Variants in F2 observed in about 807,000 individuals in gnomAD.
The protein encoded by F2 is prothrombin.
Under a neutral mutation model 81.9 loss-of-function variants are expected in F2, and 34 were observed. The ratio of observed to expected loss-of-function variants is 0.42; its 90% CI spans 0.32 to 0.55. F2 has a LOEUF of 0.55. F2 is among the 20% of genes least tolerant of loss of function. The pLI is 0.18. For missense variants in F2, 630 were observed against 833.4 expected (o/e 0.76, Z 3.00); for synonymous variants, 296 against 326.4 (o/e 0.91, Z 1.01).
intron 12 of F2, among the ~76,000 whole-genome samples, chr11:46,737,681 G>A (rs999697235): frequency 1.3e-5 from 2 of 151,652 alleles, no homozygotes; most frequent in African/African-American, 2.4e-5. Flanking sequence ...CTTGTGATCC[G>A]CCTGCCTCAG....
chr11:46,739,207 G>A, intron 13 of F2, 58 bp from the exon 14 acceptor site: 6 of 1,613,652 alleles, frequency 3.7e-6, no homozygotes, highest in Non-Finnish European at 5.1e-6. Flanking sequence ...GCCTGGCAGG[G>A]GAATACTGAT....
chr11:46,735,644 T>A (rs1592419834), intron 12 of F2, among the ~76,000 whole-genome samples: 1 of 142,250 alleles, frequency 7.0e-6, no homozygotes, highest in African/African-American at 2.6e-5. Context: ...AAAAATCGGC[T>A]GGGCGCGGTG....
At chr11:46,720,319 G>GGT (rs1198455900) in intron 2 of F2, 3 of 635,466 alleles carry the variant, frequency 4.7e-6, no homozygotes, top group East Asian at 2.8e-5. Flanking sequence ...TTTCAGTCTC[G>GGT]GTGTGTGTGT....
At chr11:46,738,426 C>T (rs1047233719) in intron 12 of F2, among the ~76,000 whole-genome samples, 1 of 151,986 alleles carries the variant, frequency 6.6e-6, no homozygotes, top group African/African-American at 2.4e-5. Context: ...GTAGGTCTAA[C>T]TTTTTAATTT....
intron 12 of F2, among the ~76,000 whole-genome samples, chr11:46,731,903 C>T (rs1004672585): frequency 6.9e-6 from 1 of 144,660 alleles, no homozygotes; most frequent in Non-Finnish European, 1.5e-5. Flanking sequence ...GGTAAAGAGA[C>T]ACTTTGATGT....
chr11:46,728,835 C>T lies in F2; in HGVS notation c.1470C>T (p.Ala490=). The T allele has an allele frequency of 6.2e-7, 1 of 1,613,710 alleles. No individual in the cohort carries two copies. Among genetic ancestry groups the T allele is most frequent in the African/African-American group, 1.3e-5 (1 of 75,070 alleles). ...PVCLPDRETA[A]SLLQAGYKGR... is the part of the protein sequence containing the mutation. ...GTCTGCCCGACAGGGAGACGGCAGC[C>T]AGGTGGGCCACCAGATGCTTGTTAG... is the stretch of plus-strand genomic sequence containing the variant. Residue 490 remains alanine, a splice_region_variant and synonymous_variant, in exon 11 of 14, where the codon GCC becomes GCT. Coordinates refer to ENST00000311907, the MANE Select transcript of F2 (RefSeq NM_000506.5). The surrounding 1 kb of genome is among the most constrained non-coding windows in gnomAD (Gnocchi z 5.1).
chr11:46,728,265 A>ACC lies in F2; in HGVS notation c.1298+107_1298+108dup. On this transcript the variant is annotated intron_variant, in intron 10 of 13. Coordinates refer to ENST00000311907, the MANE Select transcript of F2 (RefSeq NM_000506.5). This position sits in a 1 kb window ranked among gnomAD's most constrained non-coding sequence, Gnocchi z 5.1. ...CCGGGACACATAGGATGTTCTGTAT[A>ACC]CCCCCCAGAATATAACATCCCAGCA... is the stretch of plus-strand genomic sequence containing the variant. 1 of 1,251,248 alleles carries ACC rather than the reference A, an allele frequency of 8.0e-7. No individual in the cohort carries two copies. Among genetic ancestry groups the ACC allele is most frequent in the Non-Finnish European group, 1.1e-6 (1 of 879,240 alleles). 77.5% of individuals were successfully genotyped at this position (1,251,248 alleles called of 1,614,324 possible).
At position 46,720,938 on chromosome 11, in the gene F2, C is replaced by T. The variant is rs118096359; in HGVS notation, c.316+98C>T. The T allele has an allele frequency of 1.1e-3, 1,468 of 1,278,518 alleles. 9 individuals carry two copies. In the East Asian group the frequency reaches 0.02, roughly 18 times the overall value. 79.2% of individuals were successfully genotyped at this position (1,278,518 alleles called of 1,614,324 possible). A position where few individuals can be genotyped will look rare whatever the true frequency, so the allele number is the denominator to read the frequency against. On this transcript the variant is annotated intron_variant, in intron 4 of 13. Coordinates refer to ENST00000311907, the MANE Select transcript of F2 (RefSeq NM_000506.5). Reference sequence around the variant, plus strand: ...GGAGTGTGGCTGGTGGAGGCCGAGGCAGTCCCCAGCATCTGACATTGCTCC... The same window carrying T: ...GGAGTGTGGCTGGTGGAGGCCGAGGTAGTCCCCAGCATCTGACATTGCTCC...
intron 4 of F2, among the ~76,000 whole-genome samples, chr11:46,721,607 C>T (rs186871913): frequency 1.3e-5 from 2 of 152,364 alleles, no homozygotes; most frequent in African/African-American, 4.8e-5. Flanking sequence ...AGGACTGCTT[C>T]AAATGTCACC....
chr11:46,728,693 T>C lies in F2; in HGVS notation c.1328T>C (p.Met443Thr), dbSNP rs772993386. 8 of 1,614,138 alleles carry C rather than the reference T, an allele frequency of 5.0e-6. No homozygotes were observed. Among genetic ancestry groups the C allele is most frequent in the Non-Finnish European group, 5.9e-6 (7 of 1,180,016 alleles). Residue 443 changes from methionine (M) to threonine (T), a missense_variant, in exon 11 of 14, where the codon ATG becomes ACG. Coordinates refer to ENST00000311907, the MANE Select transcript of F2 (RefSeq NM_000506.5). The surrounding 1 kb of genome is among the most constrained non-coding windows in gnomAD (Gnocchi z 5.1). The part of the protein sequence containing the change: ...RYERNIEKIS[M>T]LEKIYIHPRY... ...GAGCGAAACATTGAAAAGATATCCA[T>C]GTTGGAAAAGATCTACATCCACCCC... is the stretch of plus-strand genomic sequence containing the variant.
Position 46,726,609 on chromosome 11 carries a change from T to A in F2, c.986T>A (p.Phe329Tyr). 1.9e-6 allele frequency: 3 copies of A among 1,614,086 alleles called. No homozygotes were observed. Among genetic ancestry groups the A allele is most frequent in the Non-Finnish European group, 2.5e-6 (3 of 1,179,992 alleles). The change falls in exon 8 of 14, where the codon TTT (phenylalanine) becomes TAT (tyrosine). Residue 329 changes from phenylalanine (F) to tyrosine (Y), a missense_variant. Phe to Tyr is a conservative substitution (Grantham distance 22, BLOSUM62 3). Transcript: ENST00000311907. The surrounding 1 kb of genome is among the most constrained non-coding windows in gnomAD (Gnocchi z 5.9). Reference sequence around the variant, plus strand: ...CAGACTTTCTTCAATCCGAGGACCTTTGGCTCGGGAGAGGCAGGTGAGGTA... The same window carrying A: ...CAGACTTTCTTCAATCCGAGGACCTATGGCTCGGGAGAGGCAGGTGAGGTA... The part of the protein sequence containing the change: ...EYQTFFNPRT[F>Y]GSGEADCGLR...
In F2 at chr11:46,719,938, C is replaced by G; in HGVS notation, c.240+76C>G. The G allele has an allele frequency of 6.6e-7, 1 of 1,518,088 alleles. No homozygotes were observed. The highest frequency in any genetic ancestry group is 8.9e-7 in the Non-Finnish European group (1 of 1,129,312). The allele number at this position is 1,518,088 out of a possible 1,614,324, so 94.0% of individuals were successfully genotyped here. A position where few individuals can be genotyped will look rare whatever the true frequency, so the allele number is the denominator to read the frequency against. ...CTAGACACTTCCACAGAGAAGCAAGCGAGGAACGCCACAGCCCCTTCGCTG... is the reference window on the plus strand; with the variant it reads ...CTAGACACTTCCACAGAGAAGCAAGGGAGGAACGCCACAGCCCCTTCGCTG... On this transcript the variant is annotated intron_variant, in intron 2 of 13. Coordinates refer to ENST00000311907, the MANE Select transcript of F2 (RefSeq NM_000506.5). This position sits in a 1 kb window ranked among gnomAD's most constrained non-coding sequence, Gnocchi z 4.7.
chr11:46,719,235 T>C lies in F2; in HGVS notation c.-1T>C, dbSNP rs1450420828. The C allele has an allele frequency of 3.1e-6, 5 of 1,613,730 alleles. No individual in the cohort carries two copies. Reference sequence around the variant, plus strand: ...CTCAGTGACCCAGGAGCTGACACACTATGGCGCACGTCCGAGGCTTGCAGC... The same window carrying C: ...CTCAGTGACCCAGGAGCTGACACACCATGGCGCACGTCCGAGGCTTGCAGC... On this transcript the variant is annotated 5_prime_UTR_variant, in exon 1 of 14. Transcript: ENST00000311907. This position sits in a 1 kb window ranked among gnomAD's most constrained non-coding sequence, Gnocchi z 4.7.
intron 12 of F2, among the ~76,000 whole-genome samples, chr11:46,736,261 A>G (rs2064943928): frequency 6.6e-6 from 1 of 151,526 alleles, no homozygotes; most frequent in Admixed American, 6.6e-5. Context: ...CACCTTTATC[A>G]CATTCTAGAT....
chr11:46,720,809 G>A lies in F2; in HGVS notation c.285G>A (p.Thr95=), dbSNP rs147892497. 6.7e-5 allele frequency: 108 copies of A among 1,614,080 alleles called. 2 individuals carry two copies. In the South Asian group the frequency reaches 6.9e-4, roughly 10 times the overall value. ...AKYTACETAR[T]PRDKLAACLE... ...TTCCAGCTTGTGAGACAGCGAGGAC[G>A]CCTCGAGATAAGCTTGCTGCATGTC... is the stretch of plus-strand genomic sequence containing the variant. Residue 95 remains threonine, a synonymous_variant, in exon 4 of 14, where the codon ACG becomes ACA. Transcript: ENST00000311907.
rs141225082 is a variant in F2 at position 46,728,991 on chromosome 11, T to A, written c.1472+154T>A. Among the ~76,000 whole-genome samples, 18 of 152,302 alleles carry A rather than the reference T, an allele frequency of 1.2e-4. No homozygotes were observed. In the East Asian group the frequency reaches 3.5e-3, roughly 29 times the overall value. ...TTCTTTTCAGTACTGGCGTTTTATT[T>A]TTTATTTATATTTATTTATTTACTG... On this transcript the variant is annotated intron_variant, in intron 11 of 13. Coordinates refer to ENST00000311907, the MANE Select transcript of F2 (RefSeq NM_000506.5). The surrounding 1 kb of genome is among the most constrained non-coding windows in gnomAD (Gnocchi z 5.1).
intron 4 of F2, among the ~76,000 whole-genome samples, chr11:46,722,492 G>A (rs1289373493): frequency 2.0e-5 from 3 of 152,186 alleles, no homozygotes; most frequent in East Asian, 1.9e-4. Context: ...GGAGGCTGAT[G>A]GGGGAGAATT....
intron 12 of F2, among the ~76,000 whole-genome samples, chr11:46,730,801 C>CATATATATAT (rs1555157927): frequency 5.9e-5 from 8 of 135,500 alleles, no homozygotes; most frequent in Non-Finnish European, 1.0e-4. Context: ...TATATATATG[C>CATATATATAT]ATAGTTTGAG....
chr11:46,730,306 C>T (rs1565705967), intron 12 of F2, among the ~76,000 whole-genome samples: 2 of 151,918 alleles, frequency 1.3e-5, no homozygotes, highest in African/African-American at 4.8e-5. Flanking sequence ...ATTGATCGAT[C>T]GATCAATCAA....
Sources: allele counts gnomAD v4.1 joint callset (sites outside exome capture counted in the v4.1 genomes callset), GRCh38; gene constraint gnomAD v4.1.1; non-coding constraint Gnocchi (gnomAD v3.1); transcripts MANE v1.5; gene names NCBI Gene and HGNC (gene_info 2026-07-23, HGNC 2026-07-21).